Variants in NMUR1 observed in about 807,000 individuals in gnomAD.
NMUR1 encodes neuromedin U receptor 1.
A neutral mutation model predicts 18.8 loss-of-function variants in NMUR1; 16 were observed. The ratio of observed to expected loss-of-function variants is 0.85; its 90% CI spans 0.58 to 1.29. NMUR1 has a LOEUF of 1.29. NMUR1 is among the 50% of genes most tolerant of loss of function. The pLI is 0.00. For missense variants in NMUR1, 529 were observed against 580.3 expected (o/e 0.91, Z 0.91); for synonymous variants, 258 against 258.2 (o/e 1.00, Z 0.01).
chr2:231,521,594 G>A (rs79183579), downstream of NMUR1, among the ~76,000 whole-genome samples: 11,147 of 152,126 alleles, frequency 0.073, 452 homozygotes, highest in African/African-American at 0.081. Flanking sequence ...GGACTCTGAC[G>A]TCACCCAGGA....
rs775790419 is a variant in NMUR1 at position 231,528,112 on chromosome 2, G to A, written c.898+11C>T. The A allele has an allele frequency of 4.6e-6, 7 of 1,529,052 alleles. No individual in the cohort carries two copies. The highest frequency in any genetic ancestry group is 3.8e-5 in the South Asian group (3 of 79,452). The allele number at this position is 1,529,052 out of a possible 1,614,324, so 94.7% of individuals were successfully genotyped here. On this transcript the variant is annotated intron_variant, in intron 2 of 2. Coordinates refer to ENST00000305141, the MANE Select transcript of NMUR1 (RefSeq NM_006056.5). ...CCTGGCTCAGCCCCTCTTCCCAGCC[G>A]TGACACTTACACAGCATCTTGGTCA...
chr2:231,529,328 C>G (rs1192395964), intron 1 of NMUR1, among the ~76,000 whole-genome samples: 1 of 152,116 alleles, frequency 6.6e-6, no homozygotes, highest in Admixed American at 6.5e-5. Flanking sequence ...GGCGTGGTAG[C>G]ACACGCCTGT....
chr2:231,519,954 A>G (rs2047292489), downstream of NMUR1, among the ~76,000 whole-genome samples: 1 of 152,150 alleles, frequency 6.6e-6, no homozygotes, highest in Non-Finnish European at 1.5e-5. Flanking sequence ...GATAAGATAA[A>G]ATAAAATAAA....
At chr2:231,530,037 C>A (rs572490678) in intron 1 of NMUR1, among the ~76,000 whole-genome samples, 1 of 152,370 alleles carries the variant, frequency 6.6e-6, no homozygotes, top group East Asian at 1.9e-4. Context: ...TCTATTGAGC[C>A]CCACACCCTT....
rs1484684014 is a variant in NMUR1 at position 231,530,347 on chromosome 2, C to T, written c.3+12G>A. On this transcript the variant is annotated intron_variant, in intron 1 of 2. Coordinates refer to ENST00000305141, the MANE Select transcript of NMUR1 (RefSeq NM_006056.5). ...GCCGCGCCCTAGCCCACGCCGGCGC[C>T]TGCGCACCTACCATGCGGCCCGCGG... 1 of 1,493,464 alleles carries T rather than the reference C, an allele frequency of 6.7e-7. No homozygotes were observed. The allele number at this position is 1,493,464 out of a possible 1,614,324, so 92.5% of individuals were successfully genotyped here.
chr2:231,525,531 G>A (rs2047347975), intron 2 of NMUR1, 106 bp from the exon 3 acceptor site: 9 of 1,273,856 alleles, frequency 7.1e-6, no homozygotes, highest in Non-Finnish European at 9.7e-6. Flanking sequence ...CTATCCCACA[G>A]GCCACCCTCA....
chr2:231,530,181 C>T (rs957995723), intron 1 of NMUR1, among the ~76,000 whole-genome samples, 178 bp downstream of exon 1: 1 of 152,124 alleles, frequency 6.6e-6, no homozygotes, highest in African/African-American at 2.4e-5. Context: ...CCGCAGCCCC[C>T]CGGCGCCCCT....
At position 231,528,197 on chromosome 2, in the gene NMUR1, G is replaced by A. The variant is rs780583411; in HGVS notation, c.824C>T (p.Ala275Val). ...LMQEAKGRGS[A>V]AARSRYTCRL... ...GCAGGTGTATCTGGACCTGGCTGCT[G>A]CAGAGCCCCTGCCCTTGGCCTCCTG... The change falls in exon 2 of 3, where the codon GCA (alanine) becomes GTA (valine). Residue 275 changes from alanine to valine, a missense_variant. Ala to Val is a moderately conservative substitution (Grantham distance 64). Coordinates refer to ENST00000305141, the MANE Select transcript of NMUR1 (RefSeq NM_006056.5). 2.5e-6 allele frequency: 4 copies of A among 1,606,862 alleles called. No individual in the cohort carries two copies. The East Asian group carries it at 8.9e-5, about 36-fold the overall frequency.
chr2:231,521,368 C>T (rs564178315), downstream of NMUR1, among the ~76,000 whole-genome samples: 3 of 152,206 alleles, frequency 2.0e-5, no homozygotes, highest in Non-Finnish European at 1.5e-5. Context: ...AAGCAAGACC[C>T]CATCTCAAAC....
chr2:231,528,153 G>T lies in NMUR1; in HGVS notation c.868C>A (p.Arg290=). ...RYTCRLQQHD[R]GRRQVTKMLF... ...ATCTTGGTCACTTGTCTCCGGCCCC[G>T]ATCGTGCTGCTGGAGCCTGCAGGTG... The change falls in exon 2 of 3, where the codon CGG becomes AGG. Residue 290 remains arginine (R), a synonymous_variant. Transcript: ENST00000305141. 2 of 1,562,940 alleles carry T rather than the reference G, an allele frequency of 1.3e-6. No homozygotes were observed. Among genetic ancestry groups the T allele is most frequent in the Non-Finnish European group, 8.7e-7 (1 of 1,152,628 alleles).
downstream of NMUR1, among the ~76,000 whole-genome samples, chr2:231,519,362 C>G (rs1202067508): frequency 6.6e-6 from 1 of 152,196 alleles, no homozygotes. Flanking sequence ...CCTGCCCAGT[C>G]CCCAGTTTTC....
chr2:231,521,937 T>A (rs565905479), downstream of NMUR1, among the ~76,000 whole-genome samples: 1 of 150,608 alleles, frequency 6.6e-6, no homozygotes, highest in Admixed American at 6.6e-5. Flanking sequence ...GAGACATACA[T>A]GGTGCTCACA....
At chr2:231,526,939 A>C (rs2047361346) in intron 2 of NMUR1, among the ~76,000 whole-genome samples, 2 of 152,086 alleles carry the variant, frequency 1.3e-5, no homozygotes, top group African/African-American at 4.8e-5. Flanking sequence ...AGCCTGCCCT[A>C]ATCCGCAGGC....
chr2:231,521,973 C>CTTTTTTTTTTTTT (rs10625236), downstream of NMUR1, among the ~76,000 whole-genome samples: 3 of 83,828 alleles, frequency 3.6e-5, no homozygotes, highest in Admixed American at 1.6e-4. Flanking sequence ...TTTTTTTTCT[C>CTTTTTTTTTTTTT]TTTTTTTTTT....
At chr2:231,520,857 T>C (rs144469951), downstream of NMUR1, among the ~76,000 whole-genome samples, 92 of 152,364 alleles carry the variant, frequency 6.0e-4, 1 homozygote, top group East Asian at 0.011. Context: ...AGGGTAGGCA[T>C]ATGCAGCTTT....
rs766397486 is a variant in NMUR1 at position 231,528,243 on chromosome 2, G to A, written c.778C>T (p.Arg260Trp). 20 of 1,613,666 alleles carry A rather than the reference G, an allele frequency of 1.2e-5. No homozygotes were observed. Among genetic ancestry groups the A allele is most frequent in the African/African-American group, 6.7e-5 (5 of 74,938 alleles). Residue 260 changes from arginine (R) to tryptophan (W), a missense_variant, in exon 2 of 3, where the codon CGG becomes TGG. Coordinates refer to ENST00000305141, the MANE Select transcript of NMUR1 (RefSeq NM_006056.5). Reference sequence around the variant, plus strand: ...TCCTGCATGAGCAGCAGCCTCTCCCGCCGCAGTCGCAGCCCAATGAGCAGG... The same window carrying A: ...TCCTGCATGAGCAGCAGCCTCTCCCACCGCAGTCGCAGCCCAATGAGCAGG... ...LYLLIGLRLR[R>W]ERLLLMQEAK...
intron 2 of NMUR1, among the ~76,000 whole-genome samples, chr2:231,527,131 G>T (rs1290260685): frequency 6.6e-6 from 1 of 151,886 alleles, no homozygotes; most frequent in Non-Finnish European, 1.5e-5. Context: ...GCTCCCCCCA[G>T]ATCTCACTGT....
downstream of NMUR1, among the ~76,000 whole-genome samples, chr2:231,519,860 G>A (rs1448486641): frequency 6.6e-6 from 1 of 152,202 alleles, no homozygotes; most frequent in African/African-American, 2.4e-5. Flanking sequence ...GGGAGGCCAA[G>A]GCAGGAGGAT....
downstream of NMUR1, among the ~76,000 whole-genome samples, chr2:231,522,212 T>A (rs1259082659): frequency 6.6e-6 from 1 of 151,874 alleles, no homozygotes; most frequent in African/African-American, 2.4e-5. Context: ...CTTGAACTCC[T>A]GAGCTCAGGT....
Sources: allele counts gnomAD v4.1 joint callset (sites outside exome capture counted in the v4.1 genomes callset), GRCh38; gene constraint gnomAD v4.1.1; transcripts MANE v1.5; gene names NCBI Gene and HGNC (gene_info 2026-07-23, HGNC 2026-07-21).